Variants in TDRD3 observed in about 807,000 individuals in gnomAD.
The protein encoded by TDRD3 is tudor domain-containing protein 3.
A neutral mutation model predicts 86.7 loss-of-function variants in TDRD3; 45 were observed. The observed-to-expected ratio is 0.52, with a 90% CI of 0.41 to 0.67. TDRD3 has a LOEUF of 0.67. TDRD3 is among the 30% of genes least tolerant of loss of function. The pLI, the probability that TDRD3 is intolerant of heterozygous loss-of-function variation, is 0.00. For synonymous variants in TDRD3, 298 were observed against 301.7 expected (o/e 0.99, Z 0.13); for missense variants, 814 against 889.0 (o/e 0.92, Z 1.07).
Position 60,467,326 on chromosome 13 carries a change from A to G in TDRD3, c.442A>G (p.Thr148Ala). 3 of 1,613,578 alleles carry G rather than the reference A, an allele frequency of 1.9e-6. No individual in the cohort carries two copies. Among genetic ancestry groups the G allele is most frequent in the East Asian group, 4.5e-5 (2 of 44,856 alleles). ...GFLLLNDSNT[T>A]VLGGEVEHLI... is the part of the protein sequence containing the mutation. ...CCTGCTCTTGAATGACTCTAACACCACAGTTCTTGGTGGTGAAGTGGAACA... is the reference window on the plus strand; with the variant it reads ...CCTGCTCTTGAATGACTCTAACACCGCAGTTCTTGGTGGTGAAGTGGAACA... The change falls in exon 5 of 14, where the codon ACA becomes GCA. Residue 148 changes from threonine (T) to alanine (A), a missense_variant. Physicochemically the swap from Thr to Ala is moderately conservative, Grantham distance 58. Transcript: ENST00000377881.
intron 12 of TDRD3, among the ~76,000 whole-genome samples, chr13:60,557,962 A>G (rs770855657): frequency 6.9e-4 from 105 of 151,590 alleles, no homozygotes; most frequent in Non-Finnish European, 1.2e-3. Flanking sequence ...AGCTGGGACT[A>G]TAGGCACACG....
At chr13:60,492,881 G>A (rs575942031) in intron 7 of TDRD3, among the ~76,000 whole-genome samples, 15 of 134,702 alleles carry the variant, frequency 1.1e-4, no homozygotes, top group Non-Finnish European at 2.3e-4. Flanking sequence ...ATACTTCTTT[G>A]TATTTTCTTC....
chr13:60,550,112 G>A (rs1431658694), intron 12 of TDRD3, among the ~76,000 whole-genome samples: 2 of 152,070 alleles, frequency 1.3e-5, no homozygotes, highest in Non-Finnish European at 2.9e-5. Flanking sequence ...ACTAAGAGTA[G>A]AGAGAGCTTA....
intron 12 of TDRD3, among the ~76,000 whole-genome samples, chr13:60,565,117 A>G (rs1452904491): frequency 2.5e-5 from 3 of 122,020 alleles, no homozygotes; most frequent in Non-Finnish European, 4.7e-5. Context: ...GTGCCGTGGC[A>G]CTGTCTGGGC....
intron 1 of TDRD3, among the ~76,000 whole-genome samples, chr13:60,416,122 A>G (rs746355575): frequency 2.8e-4 from 42 of 152,294 alleles, no homozygotes; most frequent in Non-Finnish European, 5.0e-4. Context: ...TTGATTTTAG[A>G]TTTAACATGG....
intron 5 of TDRD3, among the ~76,000 whole-genome samples, chr13:60,481,137 A>G (rs1430334113): frequency 1.3e-5 from 2 of 152,098 alleles, no homozygotes; most frequent in Admixed American, 6.5e-5. Context: ...AGGCATGGCC[A>G]GGCAGGGACT....
chr13:60,416,391 T>C (rs1954516620), intron 1 of TDRD3, among the ~76,000 whole-genome samples: 2 of 152,222 alleles, frequency 1.3e-5, no homozygotes, highest in Admixed American at 6.5e-5. Flanking sequence ...TGAGCTGATA[T>C]GGTCAACTAC....
At chr13:60,465,149 T>C (rs1264212372) in intron 4 of TDRD3, among the ~76,000 whole-genome samples, 1 of 152,224 alleles carries the variant, frequency 6.6e-6, no homozygotes, top group Non-Finnish European at 1.5e-5. Context: ...GGTCAGACTA[T>C]CAATTGTTTC....
At chr13:60,473,516 A>T (rs1956114841) in intron 5 of TDRD3, among the ~76,000 whole-genome samples, 1 of 152,258 alleles carries the variant, frequency 6.6e-6, no homozygotes, top group Non-Finnish European at 1.5e-5. Context: ...AAACTGTTCC[A>T]GCATAATAAA....
rs116374382 is a variant in TDRD3, at chr13:60,505,850, C to A, written c.859-3913C>A. 6.7e-3 allele frequency among the ~76,000 whole-genome samples: 1,020 copies of A among 152,110 alleles called. 7 individuals are homozygous for A. The highest frequency in any genetic ancestry group is 0.023 in the African/African-American group (943 of 41,508). ...TTAGAGAAAAAAGAATGAAAAGGAA[C>A]AATGAAAGCCTCCAAGAAATATGGG... On this transcript the variant is annotated intron_variant, in intron 8 of 13. Transcript: ENST00000377881.
chr13:60,405,821 C>T (rs1294275580), intron 1 of TDRD3, among the ~76,000 whole-genome samples: 2 of 152,074 alleles, frequency 1.3e-5, no homozygotes, highest in Non-Finnish European at 2.9e-5. Context: ...TTTGAAGTAT[C>T]CTTGGACTGA....
At chr13:60,460,607 T>G (rs1180893873) in intron 4 of TDRD3, 67 bp downstream of exon 4, 1 of 1,417,310 alleles carries the variant, frequency 7.1e-7, no homozygotes, top group Non-Finnish European at 9.3e-7. Context: ...TGGAATAACT[T>G]AAGAATTTTG....
chr13:60,557,753 T>C (rs934736099), intron 12 of TDRD3, among the ~76,000 whole-genome samples: 2 of 151,832 alleles, frequency 1.3e-5, no homozygotes, highest in African/African-American at 4.8e-5. Context: ...CAAGTTTTAG[T>C]ACTTTTTTGT....
At chr13:60,396,783 G>A (rs1018827567), upstream of TDRD3, 2 of 152,226 alleles carry the variant, frequency 1.3e-5, no homozygotes, top group Non-Finnish European at 2.9e-5. Context: ...CGAGGTGAAG[G>A]GAACGAGTGT....
At chr13:60,490,856 G>A (rs927326438) in intron 7 of TDRD3, among the ~76,000 whole-genome samples, 12 of 152,094 alleles carry the variant, frequency 7.9e-5, no homozygotes, top group Admixed American at 3.9e-4. Flanking sequence ...AGTGGCTCAC[G>A]CCTGTAATCC....
At chr13:60,540,908 C>T (rs539553614) in intron 12 of TDRD3, among the ~76,000 whole-genome samples, 6 of 152,040 alleles carry the variant, frequency 3.9e-5, no homozygotes, top group African/African-American at 9.6e-5. Flanking sequence ...TAACATGACA[C>T]GATATTACCT....
At chr13:60,445,131 A>G (rs1263024892) in intron 3 of TDRD3, among the ~76,000 whole-genome samples, 2 of 152,184 alleles carry the variant, frequency 1.3e-5, no homozygotes, top group South Asian at 4.1e-4. Context: ...TATTATATAC[A>G]AATATAAGAT....
chr13:60,480,920 G>A (rs985218073), intron 5 of TDRD3, among the ~76,000 whole-genome samples: 2 of 152,098 alleles, frequency 1.3e-5, no homozygotes, highest in Non-Finnish European at 2.9e-5. Flanking sequence ...CTGGTGGGAA[G>A]CCCTCTGGTA....
chr13:60,476,959 CTG>C (rs1956198466), intron 5 of TDRD3, among the ~76,000 whole-genome samples: 3 of 151,616 alleles, frequency 2.0e-5, no homozygotes, highest in Admixed American at 2.0e-4. Context: ...CTGGTGGAGT[CTG>C]TGGGGTTTTC....
Sources: allele counts gnomAD v4.1 joint callset (sites outside exome capture counted in the v4.1 genomes callset), GRCh38; gene constraint gnomAD v4.1.1; transcripts MANE v1.5; gene names NCBI Gene and HGNC (gene_info 2026-07-23, HGNC 2026-07-21).